Variants in ZC3H12B observed in about 807,000 individuals in gnomAD.
ZC3H12B encodes probable ribonuclease ZC3H12B.
In ZC3H12B, 7 loss-of-function variants were observed where a neutral mutation model predicts 43.9. The ratio of observed to expected loss-of-function variants is 0.16; its 90% CI spans 0.09 to 0.30. The LOEUF (loss-of-function observed/expected upper bound fraction) is 0.30. ZC3H12B is among the 10% of genes least tolerant of loss of function. ZC3H12B has a pLI of 1.00. For missense variants in ZC3H12B, 475 were observed against 670.2 expected (o/e 0.71, Z 3.22); for synonymous variants, 222 against 241.7 (o/e 0.92, Z 0.76).
At chrX:65,497,831 T>C (rs2068310763) in intron 2 of ZC3H12B, among the ~76,000 whole-genome samples, 1 of 112,278 alleles carries the variant, frequency 8.9e-6, no homozygotes, top group Non-Finnish European at 1.9e-5. Context: ...CAGCAATGCA[T>C]GTACAATGAT....
chrX:65,245,641 T>C, the ZC3H12B span, among the ~76,000 whole-genome samples: 1 of 111,384 alleles, frequency 9.0e-6, no homozygotes. Context: ...AAATTCAACA[T>C]CCATTCATGT....
intron 3 of ZC3H12B, among the ~76,000 whole-genome samples, chrX:65,448,106 G>T (rs924326868): frequency 2.0e-4 from 22 of 110,579 alleles, no homozygotes; most frequent in Non-Finnish European, 4.0e-4. Context: ...GTGGTGGTGG[G>T]CACCTGTAGT....
the ZC3H12B span, among the ~76,000 whole-genome samples, chrX:65,151,864 A>C: frequency 8.9e-6 from 1 of 111,954 alleles, no homozygotes; most frequent in African/African-American, 3.2e-5. Context: ...TCAACAGCAC[A>C]TCAAACAGCT....
chrX:65,094,502 G>A, the ZC3H12B span, among the ~76,000 whole-genome samples: 3 of 111,070 alleles, frequency 2.7e-5, no homozygotes, highest in Admixed American at 2.9e-4. Flanking sequence ...GACTTCCAGG[G>A]TCCCCATGAG....
At chrX:65,098,801 G>A in the ZC3H12B span, among the ~76,000 whole-genome samples, 4 of 111,065 alleles carry the variant, frequency 3.6e-5, no homozygotes, top group East Asian at 5.7e-4. Flanking sequence ...ACAAAATGGG[G>A]CAGCTGTTTG....
the ZC3H12B span, among the ~76,000 whole-genome samples, chrX:65,335,621 G>A: frequency 9.0e-6 from 1 of 111,138 alleles, no homozygotes; most frequent in South Asian, 4.0e-4. Flanking sequence ...TATCAAATGA[G>A]AAACGACTCA....
At chrX:65,330,160 A>G in the ZC3H12B span, among the ~76,000 whole-genome samples, 1 of 111,358 alleles carries the variant, frequency 9.0e-6, no homozygotes, top group Non-Finnish European at 1.9e-5. Context: ...TTTTCATGAT[A>G]TTGATTCTTC....
the ZC3H12B span, among the ~76,000 whole-genome samples, chrX:65,230,081 C>T: frequency 9.0e-6 from 1 of 111,053 alleles, no homozygotes; most frequent in Non-Finnish European, 1.9e-5. Context: ...AAGACACATG[C>T]ACACGTATGT....
chrX:65,287,591 T>G, the ZC3H12B span, among the ~76,000 whole-genome samples: 1 of 110,623 alleles, frequency 9.0e-6, no homozygotes. Context: ...TGAGACCCCA[T>G]CTTTACAAAA....
the ZC3H12B span, among the ~76,000 whole-genome samples, chrX:65,221,714 CA>C: frequency 8.3e-5 from 9 of 108,445 alleles, no homozygotes; most frequent in South Asian, 1.9e-3. Context: ...AAATTACCAA[CA>C]AAAAAAAATC....
At chrX:65,414,159 G>C (rs1222402853) in intron 3 of ZC3H12B, among the ~76,000 whole-genome samples, 2 of 111,671 alleles carry the variant, frequency 1.8e-5, no homozygotes, top group Non-Finnish European at 3.8e-5. Context: ...ATAGAAATAA[G>C]GAATATTGTT....
the ZC3H12B span, among the ~76,000 whole-genome samples, chrX:65,152,765 G>T: frequency 9.0e-6 from 1 of 111,501 alleles, no homozygotes; most frequent in Non-Finnish European, 1.9e-5. Context: ...AAAAGAGCCC[G>T]CATTGCCAAG....
chrX:65,234,754 T>G, the ZC3H12B span, among the ~76,000 whole-genome samples: 1 of 112,154 alleles, frequency 8.9e-6, no homozygotes, highest in Non-Finnish European at 1.9e-5. Flanking sequence ...CATAGGTAAA[T>G]GTGTGCCATG....
chrX:65,265,674 T>C, the ZC3H12B span, among the ~76,000 whole-genome samples: 3 of 112,252 alleles, frequency 2.7e-5, no homozygotes, highest in Non-Finnish European at 5.6e-5. Flanking sequence ...TCAATTTATT[T>C]TAATGTCGAA....
chrX:65,387,246 A>T (rs1169157329), intron 2 of ZC3H12B, among the ~76,000 whole-genome samples: 1 of 111,570 alleles, frequency 9.0e-6, no homozygotes, highest in Non-Finnish European at 1.9e-5. Flanking sequence ...GTGGGGTGTT[A>T]AAGTCTCCCA....
At chrX:65,484,567 G>A (rs1234024523), upstream of ZC3H12B, among the ~76,000 whole-genome samples, 1 of 111,917 alleles carries the variant, frequency 8.9e-6, no homozygotes, top group Non-Finnish European at 1.9e-5. Flanking sequence ...GTGGCGGGAA[G>A]GGCAGCTGTC....
chrX:65,161,863 G>T, the ZC3H12B span, among the ~76,000 whole-genome samples: 1 of 111,657 alleles, frequency 9.0e-6, no homozygotes, highest in Non-Finnish European at 1.9e-5. Flanking sequence ...TCCTAGCCTC[G>T]ATGGTCTTTA....
At chrX:65,062,888 T>C in the ZC3H12B span, among the ~76,000 whole-genome samples, 1 of 111,784 alleles carries the variant, frequency 8.9e-6, no homozygotes, top group African/African-American at 3.3e-5. Context: ...CCCTTCTAGG[T>C]TGTATTCCTA....
At chrX:65,141,502 CTATTAT>C in the ZC3H12B span, among the ~76,000 whole-genome samples, 2 of 107,844 alleles carry the variant, frequency 1.9e-5, no homozygotes, top group Admixed American at 2.0e-4. Context: ...TTTCTTTTTT[CTATTAT>C]TATTATTATT....
Sources: gnomAD v4.1 joint callset for allele counts (sites outside exome capture counted in the v4.1 genomes callset) on GRCh38, gnomAD v4.1.1 for gene constraint, MANE v1.5 for transcripts, NCBI Gene and HGNC (gene_info 2026-07-23, HGNC 2026-07-21) for gene names.